URB2: variants seen among roughly 807,000 people sequenced by gnomAD.
URB2 encodes the protein unhealthy ribosome biogenesis protein 2 homolog.
A neutral mutation model predicts 120.9 loss-of-function variants in URB2; 86 were observed. That is an observed-to-expected ratio of 0.71 (90% CI 0.60 to 0.85). URB2 has a LOEUF of 0.85. Among genes scored for constraint, URB2 ranks in the 40% least tolerant of loss-of-function variants. The pLI, the probability that URB2 is intolerant of heterozygous loss-of-function variation, is 0.00. For missense variants in URB2, 1,765 were observed against 1,836.5 expected (o/e 0.96, Z 0.71); for synonymous variants, 755 against 758.4 (o/e 1.00, Z 0.07).
chr1:229,653,461 C>T (rs891023171), intron 8 of URB2, among the ~76,000 whole-genome samples: 1 of 152,168 alleles, frequency 6.6e-6, no homozygotes, highest in Non-Finnish European at 1.5e-5. Context: ...ACTCTGGTCC[C>T]AGCCCCAGTC....
rs114879838 is a variant in URB2 at position 229,635,416 on chromosome 1, C to T, written c.803C>T (p.Thr268Met). Residue 268 changes from threonine (T) to methionine (M), a missense_variant, in exon 4 of 10, where the codon ACG becomes ATG. Coordinates refer to ENST00000258243, the MANE Select transcript of URB2 (RefSeq NM_014777.4). ...GACCAGCAGCAAGGGGATGTGAAGACGGGAGCCATGAAGAACCTTCTGGCT... is the reference window on the plus strand; with the variant it reads ...GACCAGCAGCAAGGGGATGTGAAGATGGGAGCCATGAAGAACCTTCTGGCT... ...LLDQQQGDVK[T>M]GAMKNLLAPM... 3.2e-5 allele frequency: 52 copies of T among 1,613,992 alleles called. No homozygotes were observed. The highest frequency in any genetic ancestry group is 1.4e-4 in the South Asian group (13 of 91,066).
At chr1:229,654,133 C>T in intron 8 of URB2, 116 bp from the exon 9 acceptor site, 1 of 1,461,904 alleles carries the variant, frequency 6.8e-7, no homozygotes, top group Non-Finnish European at 9.3e-7. Context: ...ATTAAAGAGT[C>T]TGGGAAAACA....
Position 229,636,202 on chromosome 1 carries a change from A to G in URB2, c.1589A>G (p.Gln530Arg). The G allele has an allele frequency of 6.2e-7, 1 of 1,613,524 alleles. No individual in the cohort carries two copies. Among genetic ancestry groups the G allele is most frequent in the Non-Finnish European group, 8.5e-7 (1 of 1,179,440 alleles). The change falls in exon 4 of 10, where the codon CAG (glutamine) becomes CGG (arginine). Residue 530 changes from glutamine to arginine, a missense_variant. Coordinates refer to ENST00000258243, the MANE Select transcript of URB2 (RefSeq NM_014777.4). ...CAGTCTTTAGTCTTGCCCTATTTGC[A>G]GAGTGATGCCGACATGGCCCTGAAA... ...KFQSLVLPYL[Q>R]SDADMALKSL...
At chr1:229,654,450 T>C in intron 9 of URB2, 62 bp downstream of exon 9, 1 of 1,603,424 alleles carries the variant, frequency 6.2e-7, no homozygotes, top group Non-Finnish European at 8.5e-7. Context: ...GCAGGGTTTC[T>C]CAACCAAAAT....
chr1:229,631,018 T>G (rs961202595), intron 2 of URB2, among the ~76,000 whole-genome samples: 1 of 147,326 alleles, frequency 6.8e-6, no homozygotes, highest in African/African-American at 2.5e-5. Context: ...AAGTCCTGAA[T>G]GGCATCTTCC....
At chr1:229,645,714 A>C in intron 5 of URB2, 145 bp from the exon 6 acceptor site, 1 of 706,640 alleles carries the variant, frequency 1.4e-6, no homozygotes, top group African/African-American at 1.8e-5. Context: ...CTTAACCCCA[A>C]GCAGGCCTTG....
At chr1:229,647,797 CAGGGT>C (rs752024967) in intron 7 of URB2, 45 bp downstream of exon 7, 3 of 1,597,208 alleles carry the variant, frequency 1.9e-6, no homozygotes. Flanking sequence ...CCTCTGCGAG[CAGGGT>C]ACTTGAAGTC....
In URB2 at chr1:229,632,382, C is replaced by G. The variant is rs375929018; in HGVS notation, c.240C>G (p.Ser80Arg). The change falls in exon 3 of 10, where the codon AGC becomes AGG. Residue 80 changes from serine (S) to arginine (R), a missense_variant. Coordinates refer to ENST00000258243, the MANE Select transcript of URB2 (RefSeq NM_014777.4). ...LWIYIDNILH[S>R]RKLQNLLKNG... ...TCTATATAGATAACATTTTACATAG[C>G]AGAAAATTGCAGAATCTCCTCAAGA... 5.1e-5 allele frequency: 80 copies of G among 1,583,580 alleles called. No homozygotes were observed. Among genetic ancestry groups the G allele is most frequent in the South Asian group, 5.0e-4 (42 of 83,384 alleles).
At chr1:229,658,706 G>A (rs1256765581) in intron 9 of URB2, among the ~76,000 whole-genome samples, 3 of 152,050 alleles carry the variant, frequency 2.0e-5, no homozygotes, top group East Asian at 1.9e-4. Context: ...GGTGATTGAC[G>A]GTGTAGAAGA....
At chr1:229,633,846 A>G (rs1196520817) in intron 3 of URB2, among the ~76,000 whole-genome samples, 3 of 152,146 alleles carry the variant, frequency 2.0e-5, no homozygotes, top group Admixed American at 6.5e-5. Context: ...TTTTTAAAAA[A>G]TTTTTTTGAG....
At chr1:229,639,802 C>G (rs1217173929) in intron 4 of URB2, among the ~76,000 whole-genome samples, 1 of 152,154 alleles carries the variant, frequency 6.6e-6, no homozygotes, top group African/African-American at 2.4e-5. Context: ...CTGAAGGCAG[C>G]CTTCCAAGCA....
intron 5 of URB2, among the ~76,000 whole-genome samples, chr1:229,645,113 C>T (rs557946284): frequency 5.9e-5 from 9 of 151,876 alleles, no homozygotes; most frequent in African/African-American, 7.3e-5. Flanking sequence ...AGTGAAACCC[C>T]GTCCCTGCTA....
rs567382344 is a variant in URB2 at position 229,635,911 on chromosome 1, C to T, written c.1298C>T (p.Ser433Leu). The T allele has an allele frequency of 6.8e-6, 11 of 1,614,222 alleles. No homozygotes were observed. The South Asian group carries it at 1.2e-4, about 18-fold the overall frequency. Residue 433 changes from serine (S) to leucine (L), a missense_variant, in exon 4 of 10, where the codon TCA becomes TTA. By Grantham distance (145) the Ser-to-Leu change is moderately radical (BLOSUM62 -2). Coordinates refer to ENST00000258243, the MANE Select transcript of URB2 (RefSeq NM_014777.4). Reference protein sequence around the residue: ...LEPDLDDLLASAWIDAEVTEF... With the variant: ...LEPDLDDLLALAWIDAEVTEF... ...CCAGACCTGGATGACCTGCTGGCTT[C>T]AGCGTGGATCGATGCCGAGGTAACA... is the stretch of plus-strand genomic sequence containing the variant.
chr1:229,657,077 A>T (rs1455559473), intron 9 of URB2, among the ~76,000 whole-genome samples: 4 of 152,192 alleles, frequency 2.6e-5, no homozygotes, highest in Non-Finnish European at 5.9e-5. Context: ...AAAAAATGTC[A>T]AGTTGAAAAG....
chr1:229,635,235 C>T lies in URB2; in HGVS notation c.622C>T (p.Leu208=). The change falls in exon 4 of 10, where the codon CTG becomes TTG. Residue 208 remains leucine, a synonymous_variant. Transcript: ENST00000258243. ...TAHLLQPCLV[L]RHLLSGGTWT... ...TCACCTGCTCCAGCCGTGCCTGGTC[C>T]TGAGGCACTTACTCTCTGGGGGCAC... 6.2e-7 allele frequency: 1 copy of T among 1,614,252 alleles called. No individual in the cohort carries two copies. Among genetic ancestry groups the T allele is most frequent in the Non-Finnish European group, 8.5e-7 (1 of 1,180,060 alleles).
intron 4 of URB2, among the ~76,000 whole-genome samples, chr1:229,641,236 C>T (rs1226438497): frequency 6.6e-6 from 1 of 152,070 alleles, no homozygotes; most frequent in African/African-American, 2.4e-5. Flanking sequence ...TGGTCTCGAA[C>T]TCCTGACCTT....
At chr1:229,628,072 G>T (rs907212041) in intron 2 of URB2, among the ~76,000 whole-genome samples, 25 of 144,298 alleles carry the variant, frequency 1.7e-4, no homozygotes, top group Admixed American at 3.5e-4. Context: ...AACATAATGA[G>T]ATCCCATCTC....
intron 3 of URB2, 59 bp from the exon 4 acceptor site, chr1:229,634,858 T>C: frequency 1.4e-6 from 2 of 1,394,520 alleles, no homozygotes; most frequent in South Asian, 4.0e-5. Context: ...TTAATACTTT[T>C]CTTGTGTATG....
At position 229,645,937 on chromosome 1, in the gene URB2, C is replaced by T. The variant is rs780238926; in HGVS notation, c.3874C>T (p.Arg1292Cys). The change falls in exon 6 of 10, where the codon CGT (arginine) becomes TGT (cysteine). Residue 1292 changes from arginine to cysteine, a missense_variant. By Grantham distance (180) the Arg-to-Cys change is radical. Transcript: ENST00000258243. ...TGGAGAGAAAGCAAGTCTGTTGTGG[C>T]GTGCGTGTCCCCAGATAGTCACAGC... ...LSGEKASLLWRACPQIVTALT... is the reference protein window; with the variant it reads ...LSGEKASLLWCACPQIVTALT... 15 of 1,614,204 alleles carry T rather than the reference C, an allele frequency of 9.3e-6. No individual in the cohort carries two copies. Among genetic ancestry groups the T allele is most frequent in the Admixed American group, 3.3e-5 (2 of 60,032 alleles).
Sources: gnomAD v4.1 joint callset for allele counts (sites outside exome capture counted in the v4.1 genomes callset) on GRCh38, gnomAD v4.1.1 for gene constraint, MANE v1.5 for transcripts, NCBI Gene and HGNC (gene_info 2026-07-23, HGNC 2026-07-21) for gene names.